NOL4: variants seen among roughly 807,000 people sequenced by gnomAD.
NOL4 encodes the protein nucleolar protein 4, also known as cancer/testis antigen 125.
Under a neutral mutation model 75.9 loss-of-function variants are expected in NOL4, and 17 were observed. The observed-to-expected ratio is 0.22, with a 90% CI of 0.15 to 0.34. The LOEUF is 0.34. Among genes scored for constraint, NOL4 ranks in the 10% least tolerant of loss-of-function variants. The pLI is 1.00. For synonymous variants in NOL4, 292 were observed against 289.9 expected (o/e 1.01, Z -0.07); for missense variants, 614 against 793.5 (o/e 0.77, Z 2.72).
At chr18:33,972,823 C>T (rs1192194139) in intron 6 of NOL4, among the ~76,000 whole-genome samples, 1 of 152,178 alleles carries the variant, frequency 6.6e-6, no homozygotes, top group African/African-American at 2.4e-5. Context: ...TACTCTATTT[C>T]TAAAAAATGC....
intron 1 of NOL4, among the ~76,000 whole-genome samples, chr18:34,147,700 G>A (rs1201141501): frequency 6.6e-6 from 1 of 152,056 alleles, no homozygotes. Context: ...GTCTCTGCCA[G>A]GCTTTGGTAT....
intron 9 of NOL4, among the ~76,000 whole-genome samples, chr18:33,933,610 G>T (rs1037584122): frequency 6.6e-6 from 1 of 152,114 alleles, no homozygotes; most frequent in Non-Finnish European, 1.5e-5. Flanking sequence ...ACCAGCAGTG[G>T]ATTCTATCTC....
chr18:33,950,622 T>G (rs1466776053), intron 8 of NOL4, among the ~76,000 whole-genome samples: 2 of 152,106 alleles, frequency 1.3e-5, no homozygotes, highest in African/African-American at 4.8e-5. Flanking sequence ...AATTTCTTCT[T>G]GAAGAGCTAA....
At chr18:33,906,220 G>A (rs961753866) in intron 9 of NOL4, among the ~76,000 whole-genome samples, 5 of 152,126 alleles carry the variant, frequency 3.3e-5, no homozygotes, top group African/African-American at 9.7e-5. Flanking sequence ...GTCATGACCC[G>A]ACCAAGGATG....
intron 2 of NOL4, among the ~76,000 whole-genome samples, chr18:34,111,863 G>C (rs1466812936): frequency 6.6e-6 from 1 of 152,126 alleles, no homozygotes; most frequent in Non-Finnish European, 1.5e-5. Context: ...GTGAAGAAAA[G>C]GGAAGCCTTG....
intron 6 of NOL4, among the ~76,000 whole-genome samples, chr18:33,959,377 G>C (rs1038107841): frequency 4.0e-5 from 6 of 151,744 alleles, no homozygotes; most frequent in Non-Finnish European, 5.9e-5. Context: ...TTTTCTCTTG[G>C]GACCCTCTAG....
At chr18:33,940,277 C>A (rs754796987) in intron 9 of NOL4, among the ~76,000 whole-genome samples, 14 of 152,010 alleles carry the variant, frequency 9.2e-5, no homozygotes, top group Non-Finnish European at 2.1e-4. Context: ...GCACTATTCA[C>A]AATAGCAAAG....
intron 6 of NOL4, among the ~76,000 whole-genome samples, chr18:34,006,343 G>A (rs2074025779): frequency 6.6e-6 from 1 of 152,072 alleles, no homozygotes; most frequent in South Asian, 2.1e-4. Context: ...GCCTGCAAGG[G>A]TGTTTCTGGA....
chr18:33,981,520 T>C (rs1165381949), intron 6 of NOL4, among the ~76,000 whole-genome samples: 1 of 151,968 alleles, frequency 6.6e-6, no homozygotes, highest in African/African-American at 2.4e-5. Context: ...ACAAAAAGAT[T>C]GGAGTGAAAT....
At chr18:34,071,442 C>CAG (rs2077514995) in intron 5 of NOL4, among the ~76,000 whole-genome samples, 3 of 148,660 alleles carry the variant, frequency 2.0e-5, no homozygotes, top group African/African-American at 7.7e-5. Flanking sequence ...CAGACAGACA[C>CAG]ACACACACAC....
rs370648250 is a variant in NOL4, at chr18:34,103,371, C to G, written c.639+676G>C. 3.3e-5 allele frequency among the ~76,000 whole-genome samples: 5 copies of G among 152,104 alleles called. No individual in the cohort carries two copies. The East Asian group carries it at 9.6e-4, about 29-fold the overall frequency. On this transcript the variant is annotated intron_variant, in intron 4 of 10. Transcript: ENST00000261592. Reference sequence around the variant, plus strand: ...TAACTTAGTCCCTGCTTTGACATAGCTTCAACCAAAATGGCTAGCTAACTA... The same window carrying G: ...TAACTTAGTCCCTGCTTTGACATAGGTTCAACCAAAATGGCTAGCTAACTA...
chr18:33,885,765 T>C (rs1021914177), intron 9 of NOL4, among the ~76,000 whole-genome samples: 1 of 152,034 alleles, frequency 6.6e-6, no homozygotes, highest in African/African-American at 2.4e-5. Context: ...AGTTTGGAGG[T>C]TCCTCAAAAA....
At chr18:33,964,151 C>G (rs571490538) in intron 6 of NOL4, among the ~76,000 whole-genome samples, 1 of 152,070 alleles carries the variant, frequency 6.6e-6, no homozygotes, top group Non-Finnish European at 1.5e-5. Flanking sequence ...CACATAGGCA[C>G]CTTTCATCTT....
intron 6 of NOL4, among the ~76,000 whole-genome samples, chr18:34,013,499 A>G (rs2074497912): frequency 6.6e-6 from 1 of 151,946 alleles, no homozygotes. Flanking sequence ...CCAAGCTTCA[A>G]AAGGATATTC....
chr18:34,090,919 G>T (rs1458356261), intron 5 of NOL4, among the ~76,000 whole-genome samples: 1 of 151,974 alleles, frequency 6.6e-6, no homozygotes, highest in Non-Finnish European at 1.5e-5. Flanking sequence ...AGGTGCAATG[G>T]GATATGACAT....
intron 10 of NOL4, among the ~76,000 whole-genome samples, chr18:33,859,392 T>C (rs1375291158): frequency 6.6e-6 from 1 of 152,128 alleles, no homozygotes; most frequent in Non-Finnish European, 1.5e-5. Context: ...CAGTTGGGGG[T>C]CAGATTCTAG....
intron 10 of NOL4, among the ~76,000 whole-genome samples, chr18:33,861,626 C>A (rs2063138881): frequency 6.6e-6 from 1 of 152,062 alleles, no homozygotes; most frequent in Admixed American, 6.6e-5. Flanking sequence ...ACATCAATAA[C>A]AGACAAACAG....
intron 6 of NOL4, among the ~76,000 whole-genome samples, chr18:33,998,854 T>C (rs1168011570): frequency 6.6e-6 from 1 of 152,084 alleles, no homozygotes; most frequent in African/African-American, 2.4e-5. Context: ...ATGTATTTAT[T>C]TTCCTCCTCA....
intron 6 of NOL4, among the ~76,000 whole-genome samples, chr18:34,000,163 G>A (rs115190321): frequency 6.6e-6 from 1 of 152,246 alleles, no homozygotes; most frequent in African/African-American, 2.4e-5. Context: ...TTGTAGACTT[G>A]TCCAATCATT....
Sources: allele counts gnomAD v4.1 joint callset (sites outside exome capture counted in the v4.1 genomes callset), GRCh38; gene constraint gnomAD v4.1.1; transcripts MANE v1.5; gene names NCBI Gene and HGNC (gene_info 2026-07-23, HGNC 2026-07-21).